The following CTNNA2 variants were observed in gnomAD, a reference collection of about 807,000 sequenced individuals.
CTNNA2 encodes catenin alpha 2, also known as catenin alpha-2.
Under a neutral mutation model 101.0 loss-of-function variants are expected in CTNNA2, and 42 were observed. The ratio of observed to expected loss-of-function variants is 0.42; its 90% CI spans 0.32 to 0.54. CTNNA2 has a LOEUF of 0.54. CTNNA2 is among the 20% of genes least tolerant of loss of function. The pLI is 0.14. For missense variants in CTNNA2, 871 were observed against 1,223.1 expected, an observed-to-expected ratio of 0.71 and a Z score of 4.29; for synonymous variants, 450 against 456.4, an observed-to-expected ratio of 0.99 and a Z score of 0.18.
At chr2:79,786,447 C>T (rs968606736) in intron 3 of CTNNA2, among the ~76,000 whole-genome samples, 4 of 151,908 alleles carry the variant, frequency 2.6e-5, no homozygotes, top group African/African-American at 4.8e-5. Flanking sequence ...TTGAAACACA[C>T]GTCTTATTTT....
intron 2 of CTNNA2, among the ~76,000 whole-genome samples, chr2:79,729,942 A>C (rs2104913446): frequency 6.6e-6 from 1 of 152,288 alleles, no homozygotes; most frequent in Non-Finnish European, 1.5e-5. Flanking sequence ...TTCTTTGAAA[A>C]ACAAGGGAAT....
rs578122680 is a variant in CTNNA2 at position 80,136,807 on chromosome 2, G to A, written c.1056+227010G>A. Among the ~76,000 whole-genome samples the A allele has an allele frequency of 2.0e-5, 3 of 152,118 alleles. No homozygotes were observed. In the East Asian group the frequency reaches 5.8e-4, roughly 29 times the overall value. On this transcript the variant is annotated intron_variant, in intron 7 of 18. Transcript: ENST00000402739. ...TATTAATGAAGCCACCATTTAAGAG[G>A]TAATAAAGTCTAGTGTAATTGGCTT...
chr2:80,269,308 C>G (rs1297173214), intron 7 of CTNNA2, among the ~76,000 whole-genome samples: 2 of 152,126 alleles, frequency 1.3e-5, no homozygotes, highest in African/African-American at 4.8e-5. Context: ...AAGGGGCTTC[C>G]CCCTTTGCTC....
At chr2:80,494,875 G>C (rs910927377) in intron 9 of CTNNA2, among the ~76,000 whole-genome samples, 2 of 152,132 alleles carry the variant, frequency 1.3e-5, no homozygotes, top group South Asian at 4.2e-4. Context: ...AACAAATTCA[G>C]ATTTGCAAAA....
At chr2:79,460,343 CCT>C (rs1670865711) in intron 4 of CTNNA2, among the ~76,000 whole-genome samples, 1 of 152,128 alleles carries the variant, frequency 6.6e-6, no homozygotes, top group African/African-American at 2.4e-5. Flanking sequence ...ACGTTCACAC[CCT>C]CTTTCAACTC....
chr2:80,156,639 C>T (rs1704009550), intron 7 of CTNNA2, among the ~76,000 whole-genome samples: 1 of 152,204 alleles, frequency 6.6e-6, no homozygotes, highest in African/African-American at 2.4e-5. Flanking sequence ...AGATTAGAGT[C>T]TCCTCACTTG....
intron 18 of CTNNA2, among the ~76,000 whole-genome samples, chr2:80,626,876 C>A (rs930447436): frequency 6.6e-6 from 1 of 151,942 alleles, no homozygotes; most frequent in Non-Finnish European, 1.5e-5. Context: ...CCCCCTACCC[C>A]CTGACAGGCC....
intron 3 of CTNNA2, among the ~76,000 whole-genome samples, chr2:79,760,805 C>G (rs1409682804): frequency 6.6e-6 from 1 of 152,262 alleles, no homozygotes; most frequent in South Asian, 2.1e-4. Flanking sequence ...GTTCATGACC[C>G]TTCTTTTAGA....
intron 2 of CTNNA2, among the ~76,000 whole-genome samples, chr2:79,311,480 C>G (rs1676372818): frequency 6.6e-6 from 1 of 150,508 alleles, no homozygotes; most frequent in Non-Finnish European, 1.5e-5. Context: ...TGCTAATGCT[C>G]TACAATCACC....
chr2:79,775,502 G>A (rs998161629), intron 3 of CTNNA2, among the ~76,000 whole-genome samples: 9 of 152,252 alleles, frequency 5.9e-5, no homozygotes, highest in Middle Eastern at 3.4e-3. Flanking sequence ...TACATGTGCA[G>A]GAGGTGCAGG....
At chr2:79,348,468 A>G (rs1186581533) in intron 3 of CTNNA2, among the ~76,000 whole-genome samples, 2 of 152,218 alleles carry the variant, frequency 1.3e-5, no homozygotes, top group African/African-American at 4.8e-5. Flanking sequence ...CACAAAAAGA[A>G]GAGTTATTCA....
At chr2:79,763,372 CTT>C (rs1672930886) in intron 3 of CTNNA2, among the ~76,000 whole-genome samples, 1 of 152,148 alleles carries the variant, frequency 6.6e-6, no homozygotes, top group South Asian at 2.1e-4. Context: ...TTATTGCACA[CTT>C]TGATCCACAG....
At chr2:80,379,041 G>C (rs1676260547) in intron 7 of CTNNA2, among the ~76,000 whole-genome samples, 1 of 152,060 alleles carries the variant, frequency 6.6e-6, no homozygotes, top group Non-Finnish European at 1.5e-5. Flanking sequence ...TCTTCTTCTT[G>C]AGGGCTGGGG....
chr2:79,303,018 C>G (rs891217993), intron 2 of CTNNA2, among the ~76,000 whole-genome samples: 2 of 152,136 alleles, frequency 1.3e-5, no homozygotes, highest in South Asian at 4.1e-4. Context: ...TGTTCTAGGA[C>G]CAAATGAATC....
At chr2:79,885,590 G>A (rs944082340) in intron 6 of CTNNA2, among the ~76,000 whole-genome samples, 63 of 152,164 alleles carry the variant, frequency 4.1e-4, no homozygotes, top group African/African-American at 1.5e-3. Context: ...ATTTATCAGG[G>A]AAACTTGCCC....
At chr2:79,783,866 C>G (rs1367740479) in intron 3 of CTNNA2, among the ~76,000 whole-genome samples, 1 of 152,174 alleles carries the variant, frequency 6.6e-6, no homozygotes, top group South Asian at 2.1e-4. Flanking sequence ...TTACTAAAAA[C>G]TCTTGAGATA....
At chr2:79,261,008 C>G (rs1414593609) in intron 2 of CTNNA2, among the ~76,000 whole-genome samples, 3 of 152,148 alleles carry the variant, frequency 2.0e-5, no homozygotes, top group South Asian at 4.1e-4. Context: ...AAGAATTACC[C>G]TAAGCACATG....
chr2:79,440,757 G>GAA (rs1274526671), intron 4 of CTNNA2, among the ~76,000 whole-genome samples: 2 of 152,214 alleles, frequency 1.3e-5, no homozygotes, highest in African/African-American at 4.8e-5. Context: ...TTTATTGCCA[G>GAA]AAAAGGGTTT....
intron 7 of CTNNA2, among the ~76,000 whole-genome samples, chr2:80,232,037 ATAACT>A (rs1205195981): frequency 1.3e-5 from 2 of 152,214 alleles, no homozygotes; most frequent in African/African-American, 2.4e-5. Flanking sequence ...TCTTTAGATA[ATAACT>A]TAACTCTTTC....
Sources: gnomAD v4.1 joint callset for allele counts (sites outside exome capture counted in the v4.1 genomes callset) on GRCh38, gnomAD v4.1.1 for gene constraint, MANE v1.5 for transcripts, NCBI Gene and HGNC (gene_info 2026-07-23, HGNC 2026-07-21) for gene names.